HNRNPM: variants seen among roughly 807,000 people sequenced by gnomAD.
HNRNPM encodes CEA receptor.
Under a neutral mutation model 73.1 loss-of-function variants are expected in HNRNPM, and 11 were observed. The ratio of observed to expected loss-of-function variants is 0.15; its 90% confidence interval spans 0.09 to 0.25. HNRNPM has a LOEUF of 0.25. Ranked by LOEUF, HNRNPM falls within the 10% of genes least tolerant of loss-of-function variation. HNRNPM has a pLI of 1.00. For missense variants in HNRNPM, 789 were observed against 1,067.9 expected (o/e 0.74, Z 3.64); for synonymous variants, 407 against 355.2 (o/e 1.15, Z -1.64).
intron 7 of HNRNPM, 145 bp from the exon 8 acceptor site, chr19:8,467,390 G>T (rs551768903): frequency 3.2e-6 from 2 of 634,522 alleles, no homozygotes; most frequent in African/African-American, 1.8e-5. Flanking sequence ...TATGTTTATT[G>T]TTGAAAGTAT....
rs775738841 is a variant in HNRNPM, at chr19:8,488,804, A to G, written c.2143A>G (p.Met715Val). 1.8e-5 allele frequency: 29 copies of G among 1,614,078 alleles called. No individual in the cohort carries two copies. Among genetic ancestry groups the G allele is most frequent in the African/African-American group, 2.7e-5 (2 of 74,930 alleles). Reference protein sequence around the residue: ...AERACRMMNGMKLSGREIDVR... With the variant: ...AERACRMMNGVKLSGREIDVR... ...GAGAGCCTGCCGGATGATGAATGGC[A>G]TGAAGCTGAGTGGCCGAGAGATTGA... Residue 715 changes from methionine (M) to valine (V), a missense_variant, in exon 16 of 16, where the codon ATG (methionine) becomes GTG (valine). Transcript: ENST00000325495.
Position 8,486,099 on chromosome 19 carries a change from C to T in HNRNPM, c.1671C>T (p.Arg557=). 6.2e-7 allele frequency: 1 copy of T among 1,606,308 alleles called. No individual in the cohort carries two copies. The highest frequency in any genetic ancestry group is 8.5e-7 in the Non-Finnish European group (1 of 1,179,520). Residue 557 remains arginine (R), a synonymous_variant, in exon 14 of 16, where the codon CGC becomes CGT. Coordinates refer to ENST00000325495, the MANE Select transcript of HNRNPM (RefSeq NM_005968.5). ...VMDRMATGLE[R]MGANNLERMG... is the part of the protein sequence containing the mutation. ...ATCGCATGGCCACCGGCCTGGAGCG[C>T]ATGGGCGCCAACAATCTGGAGCGGA...
chr19:8,472,630 G>A (rs182606323), intron 10 of HNRNPM, among the ~76,000 whole-genome samples: 11 of 152,340 alleles, frequency 7.2e-5, no homozygotes, highest in African/African-American at 2.4e-4. Context: ...CCAGGCTGGA[G>A]TGCAGTGGCT....
chr19:8,485,109 C>T (rs1335080081), intron 13 of HNRNPM, among the ~76,000 whole-genome samples: 3 of 151,912 alleles, frequency 2.0e-5, no homozygotes, highest in Admixed American at 2.0e-4. Flanking sequence ...GAAATGCAGC[C>T]AGAGTGGCCC....
At chr19:8,481,991 TAGAGAC>T (rs1473187176) in intron 12 of HNRNPM, among the ~76,000 whole-genome samples, 2 of 136,648 alleles carry the variant, frequency 1.5e-5, no homozygotes, top group Non-Finnish European at 3.1e-5. Context: ...TTTTTTTTCT[TAGAGAC>T]AGAGTCTCAC....
At chr19:8,466,735 A>C (rs1427752998) in intron 7 of HNRNPM, among the ~76,000 whole-genome samples, 2 of 150,136 alleles carry the variant, frequency 1.3e-5, no homozygotes, top group Non-Finnish European at 3.0e-5. Context: ...CTGAGGCACA[A>C]GAATCGCTTG....
intron 1 of HNRNPM, among the ~76,000 whole-genome samples, chr19:8,448,714 ACGT>A (rs1216699789): frequency 1.3e-5 from 2 of 151,686 alleles, no homozygotes; most frequent in East Asian, 3.9e-4. Flanking sequence ...CGATCTCCTG[ACGT>A]CGTTATCCGC....
At chr19:8,454,672 T>TGC (rs759859341) in intron 1 of HNRNPM, among the ~76,000 whole-genome samples, 1 of 82,850 alleles carries the variant, frequency 1.2e-5, no homozygotes, top group East Asian at 4.3e-4. Context: ...CATCATTTTA[T>TGC]GCCCCCCCCC....
chr19:8,471,488 G>A, intron 10 of HNRNPM, 61 bp downstream of exon 10: 2 of 1,008,376 alleles, frequency 2.0e-6, no homozygotes, highest in Non-Finnish European at 2.9e-6. Flanking sequence ...TAATTATTGG[G>A]ACAACTGGAC....
intron 12 of HNRNPM, among the ~76,000 whole-genome samples, chr19:8,474,586 GGTT>G (rs1282703295): frequency 6.6e-6 from 1 of 152,122 alleles, no homozygotes; most frequent in African/African-American, 2.4e-5. Flanking sequence ...TGCTGCAAAG[GGTT>G]GTTCTTGGTC....
At chr19:8,483,310 A>C (rs1235389061) in intron 13 of HNRNPM, 99 bp downstream of exon 13, 1 of 898,424 alleles carries the variant, frequency 1.1e-6, no homozygotes, top group East Asian at 2.4e-5. Context: ...TCTGACACAG[A>C]CTGCCCGGGG....
intron 15 of HNRNPM, chr19:8,488,404 G>T (rs1366295010): frequency 2.8e-5 from 9 of 324,698 alleles, no homozygotes; most frequent in African/African-American, 1.8e-4. Context: ...AAAATGTATG[G>T]GAACTTTCTG....
In HNRNPM at chr19:8,471,446, C is replaced by G; in HGVS notation, c.997+19C>G. Reference sequence around the variant, plus strand: ...CCCGCAGGTGAGAATGACAGTGCACCTTGCTTGGTGGTTTGGGGAAGTGAA... The same window carrying G: ...CCCGCAGGTGAGAATGACAGTGCACGTTGCTTGGTGGTTTGGGGAAGTGAA... On this transcript the variant is annotated intron_variant, in intron 10 of 15. Transcript: ENST00000325495. 1 of 1,469,190 alleles carries G rather than the reference C, an allele frequency of 6.8e-7. No individual in the cohort carries two copies. Among genetic ancestry groups the G allele is most frequent in the Non-Finnish European group, 9.3e-7 (1 of 1,070,132 alleles). The allele number at this position is 1,469,190 out of a possible 1,614,324, so 91.0% of individuals were successfully genotyped here.
chr19:8,449,294 G>A (rs78619272), intron 1 of HNRNPM, among the ~76,000 whole-genome samples: 4,412 of 151,986 alleles, frequency 0.029, 237 homozygotes, highest in African/African-American at 0.1. Flanking sequence ...TTTTTGGGAG[G>A]GGGGGTTCTC....
At chr19:8,457,625 T>C (rs1399320106) in intron 2 of HNRNPM, among the ~76,000 whole-genome samples, 3 of 152,218 alleles carry the variant, frequency 2.0e-5, no homozygotes, top group Non-Finnish European at 4.4e-5. Flanking sequence ...AGAAAGGTAA[T>C]CTTTTTATGA....
chr19:8,451,595 T>G (rs957588927), intron 1 of HNRNPM, among the ~76,000 whole-genome samples: 1 of 152,132 alleles, frequency 6.6e-6, no homozygotes, highest in Admixed American at 6.5e-5. Context: ...TGGAGTGTAG[T>G]GGTGCAATCA....
At chr19:8,448,425 A>C (rs770619429) in intron 1 of HNRNPM, among the ~76,000 whole-genome samples, 1 of 152,038 alleles carries the variant, frequency 6.6e-6, no homozygotes, top group Non-Finnish European at 1.5e-5. Flanking sequence ...TTTTAAATGT[A>C]GTATCATATA....
chr19:8,451,869 G>T (rs1024868042), intron 1 of HNRNPM, among the ~76,000 whole-genome samples: 1 of 152,104 alleles, frequency 6.6e-6, no homozygotes, highest in African/African-American at 2.4e-5. Flanking sequence ...TTCTTTGAGG[G>T]TCATTCTCTA....
At chr19:8,446,046 TAAGA>T (rs1316535734) in intron 1 of HNRNPM, among the ~76,000 whole-genome samples, 2 of 147,142 alleles carry the variant, frequency 1.4e-5, no homozygotes, top group Non-Finnish European at 3.0e-5. Context: ...TACAGACACT[TAAGA>T]GAGACAGAGA....
Sources: allele counts gnomAD v4.1 joint callset (sites outside exome capture counted in the v4.1 genomes callset), GRCh38; gene constraint gnomAD v4.1.1; transcripts MANE v1.5; gene names NCBI Gene and HGNC (gene_info 2026-07-23, HGNC 2026-07-21).